Variants in CYRIA observed in about 807,000 individuals in gnomAD.
CYRIA encodes CYFIP related Rac1 interactor A.
Under a neutral mutation model 43.9 loss-of-function variants are expected in CYRIA, and 15 were observed. That is an observed-to-expected ratio of 0.34 (90% CI 0.23 to 0.53). CYRIA has a LOEUF of 0.53. Ranked by LOEUF, CYRIA falls within the 20% of genes least tolerant of loss-of-function variation. The pLI is 0.94. For missense variants in CYRIA, 236 were observed against 394.2 expected, an observed-to-expected ratio of 0.60 and a Z score of 3.40; for synonymous variants, 117 against 136.0, an observed-to-expected ratio of 0.86 and a Z score of 0.97.
At chr2:16,578,957 C>A (rs977881508) in intron 3 of CYRIA, among the ~76,000 whole-genome samples, 1 of 151,796 alleles carries the variant, frequency 6.6e-6, no homozygotes, top group Non-Finnish European at 1.5e-5. Context: ...GAAAACATAC[C>A]CAGGCACATC....
intron 3 of CYRIA, among the ~76,000 whole-genome samples, chr2:16,573,416 C>T (rs901863269): frequency 7.2e-5 from 11 of 152,166 alleles, no homozygotes; most frequent in Admixed American, 4.6e-4. Flanking sequence ...ATCAAATATT[C>T]TACATTTCCA....
At chr2:16,618,524 C>T (rs1668883100) in intron 2 of CYRIA, among the ~76,000 whole-genome samples, 1 of 152,184 alleles carries the variant, frequency 6.6e-6, no homozygotes, top group South Asian at 2.1e-4. Context: ...ACAGCCCTGG[C>T]TGTAAGGAGG....
intron 2 of CYRIA, among the ~76,000 whole-genome samples, chr2:16,592,301 C>G (rs1350993406): frequency 6.6e-6 from 1 of 152,090 alleles, no homozygotes. Flanking sequence ...GGTATAAGGT[C>G]TTGGCTACCA....
At chr2:16,608,566 G>A (rs1668486140) in intron 2 of CYRIA, among the ~76,000 whole-genome samples, 1 of 152,224 alleles carries the variant, frequency 6.6e-6, no homozygotes, top group South Asian at 2.1e-4. Flanking sequence ...GAAACAGCAT[G>A]AGCTTTGGAG....
chr2:16,621,111 C>A (rs1377338775), intron 2 of CYRIA, among the ~76,000 whole-genome samples: 6 of 152,158 alleles, frequency 3.9e-5, no homozygotes, highest in Non-Finnish European at 8.8e-5. Flanking sequence ...TGACCTAGTC[C>A]TCATTTATAC....
At chr2:16,572,787 T>C (rs1667185594) in intron 3 of CYRIA, among the ~76,000 whole-genome samples, 1 of 152,222 alleles carries the variant, frequency 6.6e-6, no homozygotes, top group Non-Finnish European at 1.5e-5. Context: ...TGTGAGTTTG[T>C]CTTGCAAGAA....
intron 10 of CYRIA, among the ~76,000 whole-genome samples, chr2:16,559,204 C>T (rs1423512905): frequency 6.6e-6 from 1 of 152,146 alleles, no homozygotes; most frequent in Non-Finnish European, 1.5e-5. Flanking sequence ...AGTGACTGTT[C>T]ATTTGCTCAG....
At chr2:16,576,402 CT>C (rs1345232136) in intron 3 of CYRIA, among the ~76,000 whole-genome samples, 3 of 152,056 alleles carry the variant, frequency 2.0e-5, no homozygotes, top group Non-Finnish European at 4.4e-5. Flanking sequence ...AATATAGAGA[CT>C]TTTTTCAGGA....
intron 1 of CYRIA, among the ~76,000 whole-genome samples, chr2:16,658,970 A>G (rs1316787904): frequency 6.6e-6 from 1 of 152,218 alleles, no homozygotes; most frequent in East Asian, 1.9e-4. Context: ...ACAGCTCAAC[A>G]AGGCCATATA....
intron 2 of CYRIA, among the ~76,000 whole-genome samples, chr2:16,607,885 G>C (rs949430887): frequency 2.1e-4 from 32 of 152,272 alleles, no homozygotes; most frequent in African/African-American, 5.3e-4. Flanking sequence ...GTGTGAGCCA[G>C]AGTGCCCGGT....
intron 1 of CYRIA, among the ~76,000 whole-genome samples, chr2:16,649,534 A>T (rs1446313542): frequency 1.3e-5 from 2 of 151,566 alleles, no homozygotes; most frequent in Non-Finnish European, 2.9e-5. Context: ...ATGGCTGTAC[A>T]GTACAGAGGA....
chr2:16,589,439 G>A (rs947571891), intron 2 of CYRIA, among the ~76,000 whole-genome samples: 10 of 151,962 alleles, frequency 6.6e-5, no homozygotes, highest in East Asian at 1.9e-4. Flanking sequence ...CATACTCCCC[G>A]ATATAAATCA....
At chr2:16,601,725 A>AAAAAG (rs747824132) in intron 2 of CYRIA, among the ~76,000 whole-genome samples, 1 of 151,180 alleles carries the variant, frequency 6.6e-6, no homozygotes, top group African/African-American at 2.4e-5. Context: ...AAAAAAAAAA[A>AAAAAG]AGAGAGAATT....
intron 1 of CYRIA, among the ~76,000 whole-genome samples, chr2:16,637,567 A>G (rs1473858260): frequency 2.0e-5 from 3 of 152,158 alleles, no homozygotes; most frequent in Non-Finnish European, 4.4e-5. Flanking sequence ...TCTGTTATTT[A>G]AGTACTCCAG....
chr2:16,591,153 T>G (rs143644955), intron 2 of CYRIA, among the ~76,000 whole-genome samples: 208 of 152,314 alleles, frequency 1.4e-3, no homozygotes, highest in African/African-American at 3.9e-3. Context: ...GCTTATTTTT[T>G]TATTATTTTA....
chr2:16,563,765 CT>C (rs1666831235), intron 5 of CYRIA, among the ~76,000 whole-genome samples: 1 of 152,130 alleles, frequency 6.6e-6, no homozygotes, highest in Non-Finnish European at 1.5e-5. Context: ...AAGATACTCA[CT>C]AGTAGAGACA....
intron 3 of CYRIA, among the ~76,000 whole-genome samples, chr2:16,567,103 C>A (rs1666960374): frequency 6.6e-6 from 1 of 151,964 alleles, no homozygotes; most frequent in African/African-American, 2.4e-5. Context: ...CAGTGTTTCT[C>A]TGGGGATAAA....
In CYRIA at chr2:16,552,790, G is replaced by A. The variant is rs992633199; in HGVS notation, c.*146C>T. On this transcript the variant is annotated 3_prime_UTR_variant, in exon 12 of 12. Coordinates refer to ENST00000381323, the MANE Select transcript of CYRIA (RefSeq NM_030797.4). ...ATGCTCTGCTGGGTTGAGTCAGTCA[G>A]GATACAAATTAAGGTCCATATATTT... 6 of 611,078 alleles carry A rather than the reference G, an allele frequency of 9.8e-6. No individual in the cohort carries two copies. The highest frequency in any genetic ancestry group is 1.8e-5 in the Non-Finnish European group (6 of 340,060). 37.9% of individuals were successfully genotyped at this position (611,078 alleles called of 1,614,324 possible).
intron 2 of CYRIA, among the ~76,000 whole-genome samples, chr2:16,598,847 C>T (rs1432542141): frequency 8.0e-6 from 1 of 124,444 alleles, no homozygotes; most frequent in Non-Finnish European, 1.6e-5. Context: ...TCTGTTTTTT[C>T]CCCATCTTTG....
Sources: allele counts gnomAD v4.1 joint callset (sites outside exome capture counted in the v4.1 genomes callset), GRCh38; gene constraint gnomAD v4.1.1; transcripts MANE v1.5; gene names NCBI Gene and HGNC (gene_info 2026-07-23, HGNC 2026-07-21).